The following ERG variants were observed in gnomAD, a reference collection of about 807,000 sequenced individuals.
ERG encodes transcriptional regulator ERG.
ERG carries 9 observed loss-of-function variants against 55.3 expected under a neutral mutation model. The observed-to-expected ratio is 0.16, with a 90% CI of 0.10 to 0.28. The LOEUF is 0.28. Ranked by LOEUF, ERG falls within the 10% of genes least tolerant of loss-of-function variation. The pLI, the probability that ERG is intolerant of heterozygous loss-of-function variation, is 1.00. For synonymous variants in ERG, 223 were observed against 237.3 expected (o/e 0.94, Z 0.55); for missense variants, 434 against 631.6 (o/e 0.69, Z 3.35).
chr21:38,464,829 C>A (rs1238519583), intron 1 of ERG, among the ~76,000 whole-genome samples: 1 of 151,918 alleles, frequency 6.6e-6, no homozygotes, highest in African/African-American at 2.4e-5. Flanking sequence ...GTTTTCTGTT[C>A]CTGTGTTAGT....
At chr21:38,367,559 C>A in the ERG span, 1 of 486,464 alleles carries the variant, frequency 2.1e-6, no homozygotes, top group Non-Finnish European at 4.0e-6. Flanking sequence ...AAAGAGAAGG[C>A]CACGCTGCCT....
chr21:38,571,631 G>A (rs1356914672), intron 2 of ERG, among the ~76,000 whole-genome samples: 1 of 152,162 alleles, frequency 6.6e-6, no homozygotes, highest in African/African-American at 2.4e-5. Context: ...CACTGACAGA[G>A]AAGCAGCTAA....
intron 2 of ERG, among the ~76,000 whole-genome samples, chr21:38,514,384 A>C (rs2146732347): frequency 6.6e-6 from 1 of 152,066 alleles, no homozygotes; most frequent in East Asian, 1.9e-4. Flanking sequence ...CTAGAAAACA[A>C]AACCCAACAG....
chr21:38,470,190 C>T (rs1353231498), intron 1 of ERG, among the ~76,000 whole-genome samples: 2 of 152,088 alleles, frequency 1.3e-5, no homozygotes, highest in Non-Finnish European at 2.9e-5. Context: ...TCTTCTCTGT[C>T]CCAATTGTAT....
At chr21:38,603,878 G>T (rs1290320513) in intron 1 of ERG, among the ~76,000 whole-genome samples, 1 of 151,956 alleles carries the variant, frequency 6.6e-6, no homozygotes, top group Non-Finnish European at 1.5e-5. Context: ...AAATGCTGAT[G>T]AAATTAGAGA....
intron 3 of ERG, among the ~76,000 whole-genome samples, chr21:38,420,905 C>G (rs1196453397): frequency 6.6e-6 from 1 of 152,140 alleles, no homozygotes; most frequent in Non-Finnish European, 1.5e-5. Context: ...TTTGTTTTGT[C>G]TCCTTTGAAG....
Position 38,380,508 on chromosome 21 carries a change from A to G in ERG, c.*2895T>C, listed in dbSNP as rs1461271820. 5.6e-6 allele frequency: 6 copies of G among 1,065,570 alleles called. No homozygotes were observed. The highest frequency in any genetic ancestry group is 1.6e-5 in the African/African-American group (1 of 61,098). 66.0% of individuals were successfully genotyped at this position (1,065,570 alleles called of 1,614,324 possible). On this transcript the variant is annotated 3_prime_UTR_variant, in exon 10 of 10. Transcript: ENST00000288319. ...AGAAGACAAATCTCTTGCCAGCAGG[A>G]GTAAGATTGTACAGGAGTCTGAGTA... is the stretch of plus-strand genomic sequence containing the variant.
chr21:38,622,954 C>CAT (rs1386780927), intron 1 of ERG, among the ~76,000 whole-genome samples: 1 of 3,692 alleles, frequency 2.7e-4, no homozygotes, highest in Non-Finnish European at 5.9e-4. Flanking sequence ...CACACACACA[C>CAT]ATCAGCACAC....
chr21:38,409,439 C>T (rs563933919), intron 3 of ERG, among the ~76,000 whole-genome samples: 66 of 145,910 alleles, frequency 4.5e-4, no homozygotes, highest in Admixed American at 1.5e-3. Context: ...GCCGAGATTG[C>T]GCCATTGCAC....
chr21:38,636,429 C>T (rs777958367), intron 1 of ERG, among the ~76,000 whole-genome samples: 19 of 152,114 alleles, frequency 1.2e-4, no homozygotes, highest in Non-Finnish European at 2.6e-4. Flanking sequence ...AAGAGTTCAC[C>T]CTCTGGGGGA....
intron 1 of ERG, among the ~76,000 whole-genome samples, chr21:38,624,172 G>T (rs2060310492): frequency 6.6e-6 from 1 of 152,050 alleles, no homozygotes; most frequent in African/African-American, 2.4e-5. Flanking sequence ...CCCATCCCAT[G>T]ATCCAGCCTC....
chr21:38,593,077 C>T (rs2060110770), intron 1 of ERG, among the ~76,000 whole-genome samples: 1 of 152,202 alleles, frequency 6.6e-6, no homozygotes, highest in African/African-American at 2.4e-5. Context: ...CTCAGCCTTG[C>T]CGTTTTGCAT....
intron 2 of ERG, among the ~76,000 whole-genome samples, chr21:38,434,975 T>C (rs1310137318): frequency 6.6e-6 from 1 of 152,228 alleles, no homozygotes; most frequent in Admixed American, 6.5e-5. Flanking sequence ...TTTTGGAATG[T>C]CACTGTCTTT....
At chr21:38,583,736 A>G (rs1344489330) in intron 1 of ERG, among the ~76,000 whole-genome samples, 1 of 152,200 alleles carries the variant, frequency 6.6e-6, no homozygotes, top group Non-Finnish European at 1.5e-5. Context: ...ACTTACAAAA[A>G]AAGGGACAAG....
intron 2 of ERG, among the ~76,000 whole-genome samples, chr21:38,432,361 T>C (rs28694319): frequency 0.089 from 13,491 of 152,252 alleles, 783 homozygotes; most frequent in South Asian, 0.19. Context: ...CCCCAAGAAC[T>C]GGGATTGCAG....
chr21:38,625,312 G>A (rs1027306320), intron 1 of ERG, among the ~76,000 whole-genome samples: 1 of 152,100 alleles, frequency 6.6e-6, no homozygotes, highest in African/African-American at 2.4e-5. Flanking sequence ...GTAAAGGTTT[G>A]AAGAACAGAG....
At chr21:38,417,969 T>C (rs1471483638) in intron 3 of ERG, among the ~76,000 whole-genome samples, 1 of 152,146 alleles carries the variant, frequency 6.6e-6, no homozygotes, top group Non-Finnish European at 1.5e-5. Flanking sequence ...CACATCTCCA[T>C]GTTCACAGCC....
intron 2 of ERG, among the ~76,000 whole-genome samples, chr21:38,567,225 G>A (rs147602665): frequency 6.6e-6 from 1 of 152,274 alleles, no homozygotes; most frequent in African/African-American, 2.4e-5. Context: ...GACCCTGAGG[G>A]GTGCAGGAAC....
At chr21:38,613,044 T>G (rs745312719) in intron 1 of ERG, among the ~76,000 whole-genome samples, 6 of 152,174 alleles carry the variant, frequency 3.9e-5, no homozygotes, top group Middle Eastern at 3.2e-3. Flanking sequence ...GCGGGGCCCA[T>G]TGAAATCCTA....
Sources: gnomAD v4.1 joint callset for allele counts (sites outside exome capture counted in the v4.1 genomes callset) on GRCh38, gnomAD v4.1.1 for gene constraint, MANE v1.5 for transcripts, NCBI Gene and HGNC (gene_info 2026-07-23, HGNC 2026-07-21) for gene names.